Variants in BCAS3 observed in about 807,000 individuals in gnomAD.
BCAS3 encodes BCAS3 microtubule associated cell migration factor.
In BCAS3, 53 loss-of-function variants were observed where a neutral mutation model predicts 116.1. That is an observed-to-expected ratio of 0.46 (90% confidence interval 0.37 to 0.57). The LOEUF (loss-of-function observed/expected upper bound fraction) is 0.57, where lower values mean the gene tolerates loss of function less well. BCAS3 is among the 20% of genes least tolerant of loss of function. The pLI, the probability that BCAS3 is intolerant of heterozygous loss-of-function variation, is 0.00. For missense variants in BCAS3, 917 were observed against 1,165.4 expected, an observed-to-expected ratio of 0.79 and a Z score of 3.10; for synonymous variants, 391 against 408.2, an observed-to-expected ratio of 0.96 and a Z score of 0.51.
chr17:61,163,112 C>T (rs6504021), intron 22 of BCAS3, among the ~76,000 whole-genome samples: 114,829 of 152,092 alleles, frequency 0.75, 43,722 homozygotes, highest in South Asian at 0.89. Context: ...GCGGCACACA[C>T]GATAAATATT....
chr17:61,086,763 G>A, intron 22 of BCAS3: 2 of 985,366 alleles, frequency 2.0e-6, no homozygotes, highest in Non-Finnish European at 2.4e-6. Context: ...TGAAACATGT[G>A]TGCTGCCTTC....
chr17:60,679,576 A>G, intron 2 of BCAS3, 36 bp downstream of exon 2: 1 of 1,503,138 alleles, frequency 6.7e-7, no homozygotes, highest in South Asian at 1.2e-5. Context: ...TAGCTGAAGA[A>G]AAGATTACTC....
At chr17:60,753,119 G>A (rs2042641668) in intron 6 of BCAS3, among the ~76,000 whole-genome samples, 1 of 152,164 alleles carries the variant, frequency 6.6e-6, no homozygotes, top group African/African-American at 2.4e-5. Context: ...TGGGATTACA[G>A]ATGTGACCCA....
At chr17:60,888,192 G>C (rs1307409884) in intron 9 of BCAS3, among the ~76,000 whole-genome samples, 1 of 152,160 alleles carries the variant, frequency 6.6e-6, no homozygotes, top group African/African-American at 2.4e-5. Context: ...TGTAATTCTT[G>C]AGGTCCACTG....
In BCAS3 at chr17:61,347,830, G is replaced by A. The variant is rs1484195225; in HGVS notation, c.2426-20497G>A. ...TCAAAGATGAATAGGACTTCACCAG[G>A]GAAGGCATTCCAGGCAGAGGGAGCA... On this transcript the variant is annotated intron_variant, in intron 22 of 23. Coordinates refer to ENST00000407086, the MANE Select transcript of BCAS3 (RefSeq NM_017679.5). This position sits in a 1 kb window ranked among gnomAD's most constrained non-coding sequence, Gnocchi z 4.3. Among the ~76,000 whole-genome samples, 1 of 152,130 alleles carries A rather than the reference G, an allele frequency of 6.6e-6. No individual in the cohort carries two copies. Among genetic ancestry groups the A allele is most frequent in the Non-Finnish European group, 1.5e-5 (1 of 68,018 alleles).
At chr17:60,860,309 T>C (rs920968492) in intron 7 of BCAS3, among the ~76,000 whole-genome samples, 1 of 152,236 alleles carries the variant, frequency 6.6e-6, no homozygotes, top group African/African-American at 2.4e-5. Context: ...TATTGAGAAG[T>C]GTCTGTTCAC....
chr17:61,150,126 C>A (rs1410100898), intron 22 of BCAS3, among the ~76,000 whole-genome samples: 1 of 152,160 alleles, frequency 6.6e-6, no homozygotes, highest in African/African-American at 2.4e-5. Flanking sequence ...GCCAATAATT[C>A]TTTGTTTGCT....
Position 60,990,181 on chromosome 17 carries a change from C to T in BCAS3, c.1432C>T (p.Arg478Cys), listed in dbSNP as rs373017732. 5 of 1,614,162 alleles carry T rather than the reference C, an allele frequency of 3.1e-6. No individual in the cohort carries two copies. The highest frequency in any genetic ancestry group is 2.2e-5 in the East Asian group (1 of 44,870). ...AGAACTGACGTCTAAGCAAGGAGGT[C>T]GCTGTAGCCCTGTTCCAGGTCTATC... ...EQELTSKQGG[R>C]CSPVPGLSSS... Residue 478 changes from arginine to cysteine, a missense_variant, in exon 15 of 24, where the codon CGC becomes TGC. Physicochemically the swap from Arg to Cys is radical, Grantham distance 180. Around this residue, in one of 3 missense-constraint regions of BCAS3, gnomAD observed 807 missense variants for 1,026.0 expected, o/e 0.79. Transcript: ENST00000407086. The surrounding 1 kb of genome is among the most constrained non-coding windows in gnomAD (Gnocchi z 5.1).
chr17:60,946,321 TA>T (rs1259263616), intron 13 of BCAS3, among the ~76,000 whole-genome samples: 1 of 152,312 alleles, frequency 6.6e-6, no homozygotes, highest in Middle Eastern at 3.4e-3. Context: ...ATACAAATAT[TA>T]AAATGATGAT....
intron 22 of BCAS3, among the ~76,000 whole-genome samples, chr17:61,192,993 G>T (rs1166562932): frequency 6.6e-6 from 1 of 152,250 alleles, no homozygotes; most frequent in Non-Finnish European, 1.5e-5. Context: ...GGGGCACTGT[G>T]GCTCATGCCT....
Position 61,083,331 on chromosome 17 carries a change from A to G in BCAS3, c.2328-1136A>G, listed in dbSNP as rs1262951013. ...CATGAATGTTCATGTGCTATGTCATATATATACACATTGGTCTGTATTTTA... is the reference window on the plus strand; with the variant it reads ...CATGAATGTTCATGTGCTATGTCATGTATATACACATTGGTCTGTATTTTA... On this transcript the variant is annotated intron_variant, in intron 21 of 23. Transcript: ENST00000407086. This position sits in a 1 kb window ranked among gnomAD's most constrained non-coding sequence, Gnocchi z 4.9. 6.8e-6 allele frequency among the ~76,000 whole-genome samples: 1 copy of G among 147,020 alleles called. No individual in the cohort carries two copies. Among genetic ancestry groups the G allele is most frequent in the Non-Finnish European group, 1.5e-5 (1 of 68,032 alleles).
At chr17:61,152,391 A>G (rs376084113) in intron 22 of BCAS3, among the ~76,000 whole-genome samples, 1 of 152,158 alleles carries the variant, frequency 6.6e-6, no homozygotes, top group African/African-American at 2.4e-5. Flanking sequence ...GCATTTTACA[A>G]TCCTCTTGCT....
At chr17:61,114,355 A>G (rs138935744) in intron 22 of BCAS3, among the ~76,000 whole-genome samples, 118,633 of 139,004 alleles carry the variant, frequency 0.85, 53,771 homozygotes, top group Non-Finnish European at 1. Flanking sequence ...GTCTCAGCCC[A>G]AAATCTCCTT....
rs2054611214 is a variant in BCAS3, at chr17:61,315,018, C to CGAG, written c.2426-53306_2426-53304dup. 6.6e-6 allele frequency among the ~76,000 whole-genome samples: 1 copy of CGAG among 152,136 alleles called. No homozygotes were observed. Among genetic ancestry groups the CGAG allele is most frequent in the East Asian group, 1.9e-4 (1 of 5,192 alleles). On this transcript the variant is annotated intron_variant, in intron 22 of 23. Transcript: ENST00000407086. The surrounding 1 kb of genome is among the most constrained non-coding windows in gnomAD (Gnocchi z 5.3). ...ATGTTGGAACTCCTCTTCACCCATC[C>CGAG]GAGGAACAGTGTGCCTGGAAAATGC...
At chr17:61,096,998 G>A (rs953345506) in intron 22 of BCAS3, among the ~76,000 whole-genome samples, 2 of 152,190 alleles carry the variant, frequency 1.3e-5, no homozygotes, top group South Asian at 4.1e-4. Context: ...TGCATGAAGG[G>A]TTGAGAATTT....
intron 5 of BCAS3, among the ~76,000 whole-genome samples, chr17:60,745,176 A>G (rs1320459353): frequency 6.6e-6 from 1 of 152,064 alleles, no homozygotes; most frequent in Non-Finnish European, 1.5e-5. Flanking sequence ...TTAGAATACT[A>G]TAATTTATTA....
intron 5 of BCAS3, among the ~76,000 whole-genome samples, chr17:60,718,428 T>C (rs1447290079): frequency 2.6e-5 from 4 of 152,138 alleles, no homozygotes; most frequent in African/African-American, 9.7e-5. Context: ...TAGAGTTCAA[T>C]ATTTGGTTAG....
intron 22 of BCAS3, among the ~76,000 whole-genome samples, chr17:61,121,952 A>G (rs908531918): frequency 1.3e-5 from 2 of 149,886 alleles, no homozygotes; most frequent in African/African-American, 4.9e-5. Context: ...CTGGTCTTGA[A>G]CTCCTGACAT....
rs1339988059 is a variant in BCAS3, at chr17:61,343,129, G to A, written c.2426-25198G>A. ...TATTTTCCCAGGCTCCTGGGCCACC[G>A]AGGAGGGTCAATTCGTGGAGGGGTG... On this transcript the variant is annotated intron_variant, in intron 22 of 23. Transcript: ENST00000407086. The surrounding 1 kb of genome is among the most constrained non-coding windows in gnomAD (Gnocchi z 5.5). Among the ~76,000 whole-genome samples the A allele has an allele frequency of 5.3e-5, 8 of 152,162 alleles. No homozygotes were observed. Among genetic ancestry groups the A allele is most frequent in the Non-Finnish European group, 1.5e-5 (1 of 68,030 alleles).
Sources: gnomAD v4.1 joint callset for allele counts (sites outside exome capture counted in the v4.1 genomes callset) on GRCh38, gnomAD v4.1.1 for gene constraint, gnomAD v4.1.1 regional missense constraint, Gnocchi (gnomAD v3.1) non-coding constraint, MANE v1.5 for transcripts, NCBI Gene and HGNC (gene_info 2026-07-23, HGNC 2026-07-21) for gene names.